Variants in TPO observed in about 807,000 individuals in gnomAD.
TPO encodes the protein thyroid microsomal antigen.
TPO carries 78 observed loss-of-function variants against 96.9 expected under a neutral mutation model. The observed-to-expected ratio is 0.81, with a 90% CI of 0.67 to 0.97. The LOEUF (loss-of-function observed/expected upper bound fraction) is 0.97, where lower values mean the gene tolerates loss of function less well. Ranked by LOEUF, TPO falls within the 50% of genes least tolerant of loss-of-function variation. The pLI, the probability that TPO is intolerant of heterozygous loss-of-function variation, is 0.00. For synonymous variants in TPO, 547 were observed against 538.0 expected (o/e 1.02, Z -0.23); for missense variants, 1,252 against 1,274.8 (o/e 0.98, Z 0.27).
intron 1 of TPO, among the ~76,000 whole-genome samples, chr2:1,377,677 G>C (rs755542423): frequency 2.0e-5 from 3 of 152,184 alleles, no homozygotes; most frequent in Non-Finnish European, 4.4e-5. Context: ...AGGTTCTCCT[G>C]GCCCTGGGTG....
chr2:1,416,158 C>T (rs563724484), intron 2 of TPO, among the ~76,000 whole-genome samples: 2 of 152,214 alleles, frequency 1.3e-5, no homozygotes, highest in South Asian at 4.1e-4. Flanking sequence ...AATGCAGTAC[C>T]TCGGCAATCA....
intron 15 of TPO, among the ~76,000 whole-genome samples, chr2:1,534,579 C>T (rs1226720815): frequency 2.1e-5 from 2 of 95,032 alleles, no homozygotes; most frequent in South Asian, 1.0e-3. Flanking sequence ...TCCCCAAATC[C>T]GCCCACACTG....
At chr2:1,494,113 G>GC in intron 11 of TPO, 74 bp downstream of exon 11, 1 of 1,421,704 alleles carries the variant, frequency 7.0e-7, no homozygotes, top group South Asian at 1.1e-5. Flanking sequence ...TCTGAAGCCA[G>GC]CCAGACCTGC....
chr2:1,508,110 G>C (rs1194919268), intron 14 of TPO, among the ~76,000 whole-genome samples: 1 of 151,446 alleles, frequency 6.6e-6, no homozygotes, highest in African/African-American at 2.4e-5. Context: ...GTTGAATTTT[G>C]TCAAAGGCCT....
intron 8 of TPO, among the ~76,000 whole-genome samples, chr2:1,479,779 TCTC>T (rs1189176645): frequency 2.8e-5 from 4 of 141,142 alleles, no homozygotes; most frequent in East Asian, 4.1e-4. Context: ...CTCTTCTTCT[TCTC>T]CTTCTTCTTC....
chr2:1,484,935 C>A, intron 9 of TPO, 81 bp downstream of exon 9: 1 of 1,577,782 alleles, frequency 6.3e-7, no homozygotes, highest in Non-Finnish European at 8.6e-7. Flanking sequence ...ATTTTAAGTT[C>A]TAGGGTACAT....
chr2:1,485,340 A>C (rs1671054553), intron 9 of TPO, among the ~76,000 whole-genome samples: 2 of 152,270 alleles, frequency 1.3e-5, no homozygotes, highest in Non-Finnish European at 2.9e-5. Flanking sequence ...AGTCTTTGCT[A>C]TTTTAAATAG....
intron 2 of TPO, among the ~76,000 whole-genome samples, chr2:1,414,911 A>C (rs2148401770): frequency 6.6e-6 from 1 of 152,390 alleles, no homozygotes; most frequent in Non-Finnish European, 1.5e-5. Context: ...ATAATCACAG[A>C]TCAAGCTCTT....
intron 15 of TPO, among the ~76,000 whole-genome samples, chr2:1,532,572 G>C (rs1678554594): frequency 4.7e-5 from 4 of 85,060 alleles, no homozygotes; most frequent in Non-Finnish European, 9.1e-5. Flanking sequence ...CCCCCCAACT[G>C]TGTGCGACCT....
intron 9 of TPO, 115 bp downstream of exon 9, chr2:1,484,969 C>T (rs961252216): frequency 2.0e-6 from 3 of 1,494,258 alleles, no homozygotes; most frequent in Non-Finnish European, 2.7e-6. Context: ...AGGTTTGTTA[C>T]GTAGGGTATA....
intron 16 of TPO, 148 bp downstream of exon 16, chr2:1,540,871 T>C (rs747037551): frequency 6.4e-7 from 1 of 1,551,832 alleles, no homozygotes; most frequent in Non-Finnish European, 8.7e-7. Flanking sequence ...CGGGAGGTTT[T>C]ATTTACAAGC....
At chr2:1,388,482 G>T (rs1661943706) in intron 1 of TPO, among the ~76,000 whole-genome samples, 1 of 152,198 alleles carries the variant, frequency 6.6e-6, no homozygotes, top group South Asian at 2.1e-4. Context: ...AGTGAGCGAG[G>T]CTCTGTGGGT....
chr2:1,487,598 A>T (rs28911482), intron 9 of TPO, among the ~76,000 whole-genome samples: 2 of 152,112 alleles, frequency 1.3e-5, no homozygotes, highest in Admixed American at 1.3e-4. Context: ...TTAGCCAAGC[A>T]TGGTAGCGGG....
intron 5 of TPO, among the ~76,000 whole-genome samples, chr2:1,447,828 T>TA (rs879506864): frequency 6.6e-6 from 1 of 152,142 alleles, no homozygotes; most frequent in Non-Finnish European, 1.5e-5. Context: ...ATGAATCGAG[T>TA]AGCCACATGT....
chr2:1,454,320 C>A (rs980193456), intron 6 of TPO, among the ~76,000 whole-genome samples: 1 of 152,178 alleles, frequency 6.6e-6, no homozygotes, highest in Non-Finnish European at 1.5e-5. Context: ...AATAAGCCAG[C>A]CTGTTTGCTC....
chr2:1,507,891 G>A (rs971729082), intron 14 of TPO, among the ~76,000 whole-genome samples: 1 of 152,128 alleles, frequency 6.6e-6, no homozygotes, highest in African/African-American at 2.4e-5. Context: ...TCTCCTGCCT[G>A]ATTGCCCTGG....
At chr2:1,542,030 C>T (rs1680820869) in intron 16 of TPO, 2 of 266,804 alleles carry the variant, frequency 7.5e-6, no homozygotes, top group Admixed American at 4.9e-5. Flanking sequence ...TTTCCAGCCA[C>T]AGCAAGGGCA....
At chr2:1,476,339 G>T (rs1314440958) in intron 7 of TPO, among the ~76,000 whole-genome samples, 1 of 152,160 alleles carries the variant, frequency 6.6e-6, no homozygotes, top group Non-Finnish European at 1.5e-5. Context: ...CAGGGAAAGG[G>T]CACATGCTCT....
At chr2:1,453,555 T>C in intron 5 of TPO, 139 bp from the exon 6 acceptor site, 1 of 1,357,952 alleles carries the variant, frequency 7.4e-7, no homozygotes, top group Non-Finnish European at 1.0e-6. Context: ...GCCTTTCGGG[T>C]CTTCTGGGGA....
Sources: allele counts gnomAD v4.1 joint callset (sites outside exome capture counted in the v4.1 genomes callset), GRCh38; gene constraint gnomAD v4.1.1; transcripts MANE v1.5; gene names NCBI Gene and HGNC (gene_info 2026-07-23, HGNC 2026-07-21).